Variants in UBE4B observed in about 807,000 individuals in gnomAD.
UBE4B encodes the protein ubiquitin conjugation factor E4 B.
UBE4B carries 27 observed loss-of-function variants against 148.1 expected under a neutral mutation model. The ratio of observed to expected loss-of-function variants is 0.18; its 90% CI spans 0.13 to 0.25. UBE4B has a LOEUF of 0.25. Among genes scored for constraint, UBE4B ranks in the 10% least tolerant of loss-of-function variants. The pLI is 1.00. For synonymous variants in UBE4B, 596 were observed against 619.3 expected (o/e 0.96, Z 0.56); for missense variants, 1,170 against 1,662.4 (o/e 0.70, Z 5.15).
At chr1:10,171,395 C>G in intron 25 of UBE4B, 66 bp downstream of exon 25, 2 of 1,551,552 alleles carry the variant, frequency 1.3e-6, no homozygotes, top group South Asian at 2.4e-5. Context: ...ACCACAGTGG[C>G]CAGGGAACTC....
chr1:10,050,288 TCTTGAA>T (rs1644008475), intron 1 of UBE4B, among the ~76,000 whole-genome samples: 1 of 152,206 alleles, frequency 6.6e-6, no homozygotes, highest in Non-Finnish European at 1.5e-5. Flanking sequence ...GTCAGGCTGG[TCTTGAA>T]CTCCTGACCT....
chr1:10,087,608 TG>T (rs1644784994), intron 2 of UBE4B, among the ~76,000 whole-genome samples: 1 of 152,238 alleles, frequency 6.6e-6, no homozygotes, highest in East Asian at 1.9e-4. Flanking sequence ...ACTGGGGTTG[TG>T]GGTTTTGGGG....
intron 1 of UBE4B, among the ~76,000 whole-genome samples, chr1:10,050,549 T>A (rs1057422471): frequency 1.3e-5 from 2 of 152,210 alleles, no homozygotes; most frequent in Non-Finnish European, 2.9e-5. Context: ...TGCATTGAAT[T>A]ATTTATTCAC....
intron 21 of UBE4B, 108 bp from the exon 22 acceptor site, chr1:10,158,248 C>G (rs1646105572): frequency 7.2e-7 from 1 of 1,390,420 alleles, no homozygotes; most frequent in Admixed American, 2.2e-5. Flanking sequence ...TTCACCAGCT[C>G]TCTGATTTTG....
intron 1 of UBE4B, among the ~76,000 whole-genome samples, chr1:10,039,959 GGACTGT>G (rs755728662): frequency 5.3e-5 from 8 of 151,980 alleles, no homozygotes; most frequent in Non-Finnish European, 7.4e-5. Context: ...AAAATACCAA[GGACTGT>G]GATTAACCCA....
intron 1 of UBE4B, among the ~76,000 whole-genome samples, chr1:10,056,724 C>T (rs1048936281): frequency 9.2e-5 from 14 of 152,200 alleles, no homozygotes; most frequent in African/African-American, 3.1e-4. Flanking sequence ...GCTAGCTACG[C>T]GATTGCTCAT....
intron 1 of UBE4B, among the ~76,000 whole-genome samples, chr1:10,035,569 TG>T (rs147316251): frequency 0.031 from 4,474 of 146,556 alleles, 72 homozygotes; most frequent in African/African-American, 0.05. Context: ...GCTAGTTTTT[TG>T]TATTTTTTTG....
chr1:10,121,890 C>T, intron 9 of UBE4B, 72 bp from the exon 10 acceptor site: 1 of 957,392 alleles, frequency 1.0e-6, no homozygotes, highest in Non-Finnish European at 1.6e-6. Flanking sequence ...GCAGTTGTTG[C>T]TGACATGACA....
intron 25 of UBE4B, among the ~76,000 whole-genome samples, chr1:10,174,658 T>C (rs1437944172): frequency 2.1e-5 from 3 of 145,060 alleles, no homozygotes; most frequent in East Asian, 4.0e-4. Context: ...GCCGAGATCG[T>C]GCCATTGCAC....
chr1:10,100,051 G>A (rs985701004), intron 3 of UBE4B, among the ~76,000 whole-genome samples: 3 of 151,414 alleles, frequency 2.0e-5, no homozygotes, highest in Non-Finnish European at 4.4e-5. Flanking sequence ...GTGCAGTGGC[G>A]CAGTCTTGGC....
At chr1:10,042,681 A>C (rs753144666) in intron 1 of UBE4B, among the ~76,000 whole-genome samples, 1 of 152,154 alleles carries the variant, frequency 6.6e-6, no homozygotes, top group Non-Finnish European at 1.5e-5. Flanking sequence ...ACATGTTCAC[A>C]TAAGGTGTCA....
At chr1:10,170,281 CTT>C (rs1646319767) in intron 24 of UBE4B, among the ~76,000 whole-genome samples, 1 of 152,202 alleles carries the variant, frequency 6.6e-6, no homozygotes, top group Non-Finnish European at 1.5e-5. Flanking sequence ...TGTTATGACT[CTT>C]TTATTTCACA....
chr1:10,178,922 A>G (rs528499042), intron 26 of UBE4B, 104 bp downstream of exon 26: 16 of 1,254,144 alleles, frequency 1.3e-5, no homozygotes, highest in African/African-American at 1.1e-4. Flanking sequence ...ATGGTGTGCT[A>G]GAGCTGCTTT....
At chr1:10,099,599 T>A (rs1186513620) in intron 3 of UBE4B, among the ~76,000 whole-genome samples, 1 of 152,186 alleles carries the variant, frequency 6.6e-6, no homozygotes, top group Non-Finnish European at 1.5e-5. Flanking sequence ...CGGGAGGGTT[T>A]TTAAGGAATT....
chr1:10,148,785 CA>C (rs1198015818), intron 19 of UBE4B, among the ~76,000 whole-genome samples: 1 of 151,826 alleles, frequency 6.6e-6, no homozygotes, highest in Admixed American at 6.6e-5. Context: ...ATTGAAAATA[CA>C]AAAATTAGCC....
chr1:10,097,366 C>CA (rs1465470247), intron 3 of UBE4B, among the ~76,000 whole-genome samples: 2 of 152,146 alleles, frequency 1.3e-5, no homozygotes, highest in African/African-American at 4.8e-5. Flanking sequence ...AAAAAGACAA[C>CA]AGGGGTCCAG....
chr1:10,170,392 A>G (rs1646321807), intron 24 of UBE4B, among the ~76,000 whole-genome samples: 1 of 152,248 alleles, frequency 6.6e-6, no homozygotes, highest in Admixed American at 6.5e-5. Context: ...ATTACATTTC[A>G]TGAAAACCTT....
intron 15 of UBE4B, 97 bp from the exon 16 acceptor site, chr1:10,134,891 C>A (rs1645652300): frequency 2.0e-6 from 2 of 1,019,644 alleles, no homozygotes; most frequent in African/African-American, 3.2e-5. Context: ...GCCAAGATCA[C>A]ACCCCTTCGC....
intron 1 of UBE4B, among the ~76,000 whole-genome samples, chr1:10,061,623 T>C (rs777477928): frequency 6.6e-6 from 1 of 152,026 alleles, no homozygotes; most frequent in Non-Finnish European, 1.5e-5. Flanking sequence ...TTTTTTGGGG[T>C]AAGGGATCTC....
Sources: allele counts gnomAD v4.1 joint callset (sites outside exome capture counted in the v4.1 genomes callset), GRCh38; gene constraint gnomAD v4.1.1; transcripts MANE v1.5; gene names NCBI Gene and HGNC (gene_info 2026-07-23, HGNC 2026-07-21).